Variants in THADA observed in about 807,000 individuals in gnomAD.
THADA encodes the protein tRNA (32-2'-O)-methyltransferase regulator THADA.
THADA carries 213 observed loss-of-function variants against 219.8 expected under a neutral mutation model. The ratio of observed to expected loss-of-function variants is 0.97; its 90% CI spans 0.87 to 1.09. The LOEUF (loss-of-function observed/expected upper bound fraction) is 1.09. Ranked by LOEUF, THADA falls within the 50% of genes least tolerant of loss-of-function variation. THADA has a pLI of 0.00. For synonymous variants in THADA, 1,018 were observed against 828.9 expected (o/e 1.23, Z -3.92); for missense variants, 2,956 against 2,311.3 (o/e 1.28, Z -5.72).
intron 29 of THADA, among the ~76,000 whole-genome samples, chr2:43,392,854 C>T (rs1673556780): frequency 6.6e-6 from 1 of 152,192 alleles, no homozygotes; most frequent in South Asian, 2.1e-4. Flanking sequence ...GCATCAAAGG[C>T]AAACTCCTTG....
At chr2:43,279,734 A>G (rs1270469473) in intron 36 of THADA, 31 bp downstream of exon 36, 48 of 1,540,836 alleles carry the variant, frequency 3.1e-5, no homozygotes, top group Non-Finnish European at 4.2e-5. Flanking sequence ...CTGCAGCGAT[A>G]AGACAATGCA....
At position 43,283,205 on chromosome 2, in the gene THADA, C is replaced by A. The variant is rs142716341; in HGVS notation, c.5165-3309G>T. On this transcript the variant is annotated intron_variant, in intron 35 of 37. Transcript: ENST00000405975. Reference sequence around the variant, plus strand: ...AGTTTCCTAAGGCCTCCCAGCCATGCTTCCTGTTAAGCCCATGGAACTGTG... The same window carrying A: ...AGTTTCCTAAGGCCTCCCAGCCATGATTCCTGTTAAGCCCATGGAACTGTG... 8.1e-4 allele frequency among the ~76,000 whole-genome samples: 124 copies of A among 152,332 alleles called. 1 individual carries two copies. Among genetic ancestry groups the A allele is most frequent in the African/African-American group, 2.8e-3 (117 of 41,578 alleles).
intron 22 of THADA, among the ~76,000 whole-genome samples, chr2:43,512,268 G>C (rs1010489401): frequency 6.6e-6 from 1 of 152,084 alleles, no homozygotes; most frequent in African/African-American, 2.4e-5. Flanking sequence ...CATCAAACCA[G>C]CTTTTACGCA....
At chr2:43,557,514 G>T (rs1368179255) in intron 16 of THADA, among the ~76,000 whole-genome samples, 2 of 152,164 alleles carry the variant, frequency 1.3e-5, no homozygotes, top group Non-Finnish European at 2.9e-5. Flanking sequence ...AAAACAAAGT[G>T]ATCAATTCAG....
In THADA at chr2:43,241,078, C is replaced by G. The variant is rs183660758; in HGVS notation, c.5297-8196G>C. Among the ~76,000 whole-genome samples, 1,068 of 152,162 alleles carry G rather than the reference C, an allele frequency of 7.0e-3. 1 individual carries two copies. The highest frequency in any genetic ancestry group is 0.011 in the Non-Finnish European group (730 of 68,008). ...TCAGACTTCACCGGGCCCAGGTGGA[C>G]CCCTCTTCCTTTTTTTTATGTTTAT... On this transcript the variant is annotated intron_variant, in intron 36 of 37. Coordinates refer to ENST00000405975, the MANE Select transcript of THADA (RefSeq NM_022065.5).
intron 29 of THADA, among the ~76,000 whole-genome samples, chr2:43,382,285 T>C (rs974863083): frequency 1.3e-5 from 2 of 152,234 alleles, no homozygotes; most frequent in African/African-American, 4.8e-5. Context: ...AAATGTTGCA[T>C]ACTAACGTAA....
chr2:43,565,053 A>G (rs1285280322), intron 15 of THADA: 2 of 152,216 alleles, frequency 1.3e-5, no homozygotes, highest in Non-Finnish European at 1.5e-5. Context: ...AAAGCATTGT[A>G]TCAACATTCA....
chr2:43,527,798 GAC>G, intron 22 of THADA, 79 bp downstream of exon 22: 2 of 977,406 alleles, frequency 2.0e-6, no homozygotes, highest in Non-Finnish European at 3.1e-6. Context: ...AACTTCAAAA[GAC>G]ACAACTAAAT....
intron 26 of THADA, among the ~76,000 whole-genome samples, chr2:43,469,871 A>G (rs1229219493): frequency 6.6e-6 from 1 of 152,218 alleles, no homozygotes; most frequent in African/African-American, 2.4e-5. Flanking sequence ...CAGAAAGCTA[A>G]TAAAAATTCC....
At chr2:43,317,874 A>T (rs1482571479) in intron 31 of THADA, among the ~76,000 whole-genome samples, 1 of 152,198 alleles carries the variant, frequency 6.6e-6, no homozygotes, top group Non-Finnish European at 1.5e-5. Flanking sequence ...TAAAATGTAA[A>T]CAGCCACATT....
chr2:43,573,032 A>C, intron 11 of THADA, 40 bp from the exon 12 acceptor site: 2 of 1,491,494 alleles, frequency 1.3e-6, no homozygotes, highest in Non-Finnish European at 1.8e-6. Context: ...GTATTATGCA[A>C]TGACTACTAT....
chr2:43,414,241 C>T lies in THADA; in HGVS notation c.4058+13859G>A, dbSNP rs143689270. Reference sequence around the variant, plus strand: ...TTTACTTTTGTTGTGGTAAAACACACATAACCTAAAATTTACCATTTTAAC... The same window carrying T: ...TTTACTTTTGTTGTGGTAAAACACATATAACCTAAAATTTACCATTTTAAC... On this transcript the variant is annotated intron_variant, in intron 28 of 37. Transcript: ENST00000405975. Among the ~76,000 whole-genome samples the T allele has an allele frequency of 5.3e-5, 8 of 152,308 alleles. No homozygotes were observed. In the East Asian group the frequency reaches 1.5e-3, roughly 29 times the overall value.
intron 36 of THADA, among the ~76,000 whole-genome samples, chr2:43,261,723 C>A (rs1670972892): frequency 6.6e-6 from 1 of 151,292 alleles, no homozygotes; most frequent in Non-Finnish European, 1.5e-5. Flanking sequence ...GCAACCTCCA[C>A]TCCCCCAGGT....
chr2:43,549,273 TATC>T lies in THADA; in HGVS notation c.3040_3042del (p.Asp1014del), dbSNP rs976311468. On this transcript the variant is annotated inframe_deletion, in exon 20 of 38. Transcript: ENST00000405975. The stretch of plus-strand genomic sequence containing the variant: ...GCATTCAAGTCCTTCATATCAAAGC[TATC>T]ATGTTCTTTCAATATTTTGGCTTGG... The T allele has an allele frequency of 1.9e-6, 3 of 1,596,384 alleles. No individual in the cohort carries two copies. Among genetic ancestry groups the T allele is most frequent in the Non-Finnish European group, 2.6e-6 (3 of 1,171,074 alleles).
At chr2:43,271,943 G>C (rs1672171133) in intron 36 of THADA, among the ~76,000 whole-genome samples, 1 of 152,134 alleles carries the variant, frequency 6.6e-6, no homozygotes, top group Non-Finnish European at 1.5e-5. Flanking sequence ...CCGGTGGAGA[G>C]AAACAAATAA....
intron 1 of THADA, 95 bp from the exon 2 acceptor site, chr2:43,592,511 T>A: frequency 1.5e-6 from 1 of 676,932 alleles, no homozygotes; most frequent in African/African-American, 1.8e-5. Flanking sequence ...AACAGTATCA[T>A]CCTATGCATT....
intron 7 of THADA, among the ~76,000 whole-genome samples, chr2:43,582,368 A>G (rs909882122): frequency 2.6e-5 from 4 of 151,756 alleles, no homozygotes; most frequent in Non-Finnish European, 2.9e-5. Flanking sequence ...GTGGTGGCAC[A>G]TGCCCGTAAT....
chr2:43,392,438 G>A (rs1301488363), intron 29 of THADA, among the ~76,000 whole-genome samples: 1 of 152,074 alleles, frequency 6.6e-6, no homozygotes, highest in Non-Finnish European at 1.5e-5. Context: ...CACTGCTCCT[G>A]TCTGTAGAAT....
At chr2:43,453,635 C>T (rs765905259) in intron 26 of THADA, among the ~76,000 whole-genome samples, 1 of 152,096 alleles carries the variant, frequency 6.6e-6, no homozygotes, top group African/African-American at 2.4e-5. Flanking sequence ...CTCACAAACG[C>T]TGGTTTTTTA....
Sources: gnomAD v4.1 joint callset for allele counts (sites outside exome capture counted in the v4.1 genomes callset) on GRCh38, gnomAD v4.1.1 for gene constraint, MANE v1.5 for transcripts, NCBI Gene and HGNC (gene_info 2026-07-23, HGNC 2026-07-21) for gene names.